The following ERG28 variants were observed in gnomAD, a reference collection of about 807,000 sequenced individuals.
The protein encoded by ERG28 is ergosterol biosynthetic protein 28 homolog.
A neutral mutation model predicts 15.7 loss-of-function variants in ERG28; 9 were observed. The ratio of observed to expected loss-of-function variants is 0.57; its 90% CI spans 0.35 to 1.00. The LOEUF is 1.00. Among genes scored for constraint, ERG28 ranks in the 50% least tolerant of loss-of-function variants. The probability of loss-of-function intolerance (pLI) is 0.02; values close to 1 mark genes in which losing one functional copy is unlikely to be tolerated. For synonymous variants in ERG28, 61 were observed against 68.4 expected, an observed-to-expected ratio of 0.89 and a Z score of 0.53; for missense variants, 117 against 173.3, an observed-to-expected ratio of 0.68 and a Z score of 1.82.
At chr14:75,654,298 G>T (rs1007384133) in intron 3 of ERG28, among the ~76,000 whole-genome samples, 1 of 152,164 alleles carries the variant, frequency 6.6e-6, no homozygotes, top group Non-Finnish European at 1.5e-5. Context: ...GATGACTCCC[G>T]CTGGGAAGAA....
intron 3 of ERG28, among the ~76,000 whole-genome samples, 188 bp from the exon 4 acceptor site, chr14:75,652,077 G>A (rs1890533450): frequency 6.6e-6 from 1 of 152,212 alleles, no homozygotes; most frequent in Non-Finnish European, 1.5e-5. Flanking sequence ...CAAAACTGAA[G>A]GTTTCAACTG....
At chr14:75,654,762 T>C in intron 3 of ERG28, 124 bp downstream of exon 3, 1 of 1,070,996 alleles carries the variant, frequency 9.3e-7, no homozygotes, top group Non-Finnish European at 1.4e-6. Context: ...GTGAGTTTTT[T>C]ATTATTCACA....
chr14:75,656,020 T>C (rs1890590924), intron 2 of ERG28, among the ~76,000 whole-genome samples: 1 of 152,134 alleles, frequency 6.6e-6, no homozygotes, highest in Non-Finnish European at 1.5e-5. Flanking sequence ...TGAAGACCAT[T>C]AGATGGTAGT....
At position 75,651,124 on chromosome 14, in the gene ERG28, CCTTGA is replaced by C; in HGVS notation, c.*426_*430del. The stretch of plus-strand genomic sequence containing the variant: ...AGGAGCCCAACCTGCGTGGACAACC[CCTTGA>C]GGCAGCCCTTGGTCACAGCTGCTCT... On this transcript the variant is annotated 3_prime_UTR_variant, in exon 5 of 5. Transcript: ENST00000256319. The C allele has an allele frequency of 4.3e-5, 7 of 161,858 alleles. No homozygotes were observed. The highest frequency in any genetic ancestry group is 1.6e-4 in the South Asian group (1 of 6,276). 10.0% of individuals were successfully genotyped at this position (161,858 alleles called of 1,614,324 possible).
Position 75,651,809 on chromosome 14 carries a change from G to A in ERG28, c.305C>T (p.Ala102Val), listed in dbSNP as rs761177583. The change falls in exon 4 of 5, where the codon GCT becomes GTT. Residue 102 changes from alanine (A) to valine (V), a missense_variant. Ala to Val is a moderately conservative substitution (Grantham distance 64). Coordinates refer to ENST00000256319, the MANE Select transcript of ERG28 (RefSeq NM_007176.4). The stretch of plus-strand genomic sequence containing the variant: ...GGGTGCCAGGACGCCAATCGTGGGA[G>A]CTGCAGTTCCATAGACAAACAACTC... Reference protein sequence around the residue: ...LSELFVYGTAAPTIGVLAPLM... With the variant: ...LSELFVYGTAVPTIGVLAPLM... The A allele has an allele frequency of 9.9e-6, 16 of 1,614,020 alleles. No homozygotes were observed. The African/African-American group carries it at 1.7e-4, about 18-fold the overall frequency.
Position 75,651,466 on chromosome 14 carries a change from A to C in ERG28, c.*89T>G, listed in dbSNP as rs961423378. ...AGTGAATAAAAGGGCAGATGATGGA[A>C]TAGAAAAGAAATTAAAGAGGAGAGA... On this transcript the variant is annotated 3_prime_UTR_variant, in exon 5 of 5. Coordinates refer to ENST00000256319, the MANE Select transcript of ERG28 (RefSeq NM_007176.4). The C allele has an allele frequency of 1.0e-5, 13 of 1,300,712 alleles. No homozygotes were observed. In the African/African-American group the frequency reaches 1.3e-4, roughly 13 times the overall value. 80.6% of individuals were successfully genotyped at this position (1,300,712 alleles called of 1,614,324 possible).
chr14:75,655,296 C>G (rs1270903737), intron 2 of ERG28, among the ~76,000 whole-genome samples: 1 of 152,178 alleles, frequency 6.6e-6, no homozygotes, highest in Non-Finnish European at 1.5e-5. Context: ...CCTAGAGGGT[C>G]TGGATCAGGA....
chr14:75,655,020 G>A, intron 2 of ERG28, 44 bp from the exon 3 acceptor site: 1 of 1,563,342 alleles, frequency 6.4e-7, no homozygotes. Context: ...GGGGAGACTT[G>A]AGGTTCCTTC....
In ERG28 at chr14:75,657,491, G is replaced by C; in HGVS notation, c.12C>G (p.Phe4Leu). The change falls in exon 2 of 5, where the codon TTC becomes TTG. Residue 4 changes from phenylalanine (F) to leucine (L), a missense_variant. Phe to Leu is a conservative substitution (Grantham distance 22). Transcript: ENST00000256319. ...CCAGCCAACTTCTTAACACATTCAGGAAACGGCTCATGACTCCCCTCAAAC... is the reference window on the plus strand; with the variant it reads ...CCAGCCAACTTCTTAACACATTCAGCAAACGGCTCATGACTCCCCTCAAAC... MSR[F>L]LNVLRSWLVM... 6.2e-7 allele frequency: 1 copy of C among 1,614,010 alleles called. No homozygotes were observed. The highest frequency in any genetic ancestry group is 2.2e-5 in the East Asian group (1 of 44,892).
At chr14:75,652,231 A>G (rs1890535268) in intron 3 of ERG28, among the ~76,000 whole-genome samples, 1 of 152,228 alleles carries the variant, frequency 6.6e-6, no homozygotes, top group South Asian at 2.1e-4. Flanking sequence ...ACGCTTACAT[A>G]TTCTATTTAT....
At chr14:75,656,448 T>G (rs2140064936) in intron 2 of ERG28, among the ~76,000 whole-genome samples, 1 of 152,320 alleles carries the variant, frequency 6.6e-6, no homozygotes, top group African/African-American at 2.4e-5. Flanking sequence ...TAGGGTTCCA[T>G]GACCACCTGA....
chr14:75,652,817 C>CTTTTTTT (rs59570063), intron 3 of ERG28, among the ~76,000 whole-genome samples: 14 of 96,228 alleles, frequency 1.5e-4, no homozygotes, highest in African/African-American at 2.0e-4. Context: ...ATTTTTACAC[C>CTTTTTTT]TTTTTTTTTT....
Position 75,657,551 on chromosome 14 carries a change from A to C in ERG28, c.-31-18T>G, listed in dbSNP as rs760745359. ...CTTTTTGCCTTGGAAACAAAGGCAGAGGACATGAGACAATGAGGGCCAGTC... is the reference window on the plus strand; with the variant it reads ...CTTTTTGCCTTGGAAACAAAGGCAGCGGACATGAGACAATGAGGGCCAGTC... On this transcript the variant is annotated intron_variant, in intron 1 of 4. Coordinates refer to ENST00000256319, the MANE Select transcript of ERG28 (RefSeq NM_007176.4). The C allele has an allele frequency of 1.3e-5, 21 of 1,608,776 alleles. No individual in the cohort carries two copies. The highest frequency in any genetic ancestry group is 1.8e-5 in the Non-Finnish European group (21 of 1,176,582).
At chr14:75,658,459 C>T (rs1890626895) in intron 1 of ERG28, among the ~76,000 whole-genome samples, 1 of 152,168 alleles carries the variant, frequency 6.6e-6, no homozygotes, top group South Asian at 2.1e-4. Flanking sequence ...ACCCCTGTTC[C>T]ACCAGTTGTA....
chr14:75,654,591 TAGA>T (rs912096775), intron 3 of ERG28, among the ~76,000 whole-genome samples: 125 of 152,192 alleles, frequency 8.2e-4, no homozygotes, highest in African/African-American at 3.0e-3. Context: ...ACTTCTTTAG[TAGA>T]AGAAGGGCTG....
chr14:75,652,815 AC>A (rs1890544456), intron 3 of ERG28, among the ~76,000 whole-genome samples: 2 of 116,412 alleles, frequency 1.7e-5, no homozygotes, highest in African/African-American at 3.6e-5. Flanking sequence ...ATATTTTTAC[AC>A]CTTTTTTTTT....
intron 3 of ERG28, among the ~76,000 whole-genome samples, 165 bp from the exon 4 acceptor site, chr14:75,652,054 T>C (rs555156961): frequency 6.6e-6 from 1 of 152,242 alleles, no homozygotes; most frequent in African/African-American, 2.4e-5. Context: ...CACAACGATA[T>C]TCTCATCTAG....
rs773592633 is a variant in ERG28 at position 75,651,803 on chromosome 14, G to A, written c.311C>T (p.Thr104Met). The A allele has an allele frequency of 4.3e-6, 7 of 1,613,932 alleles. No individual in the cohort carries two copies. Among genetic ancestry groups the A allele is most frequent in the Admixed American group, 1.7e-5 (1 of 60,006 alleles). ...ELFVYGTAAP[T>M]IGVLAPLMVA... ...CATCAGGGGTGCCAGGACGCCAATC[G>A]TGGGAGCTGCAGTTCCATAGACAAA... Residue 104 changes from threonine (T) to methionine (M), a missense_variant, in exon 4 of 5, where the codon ACG becomes ATG. Transcript: ENST00000256319.
intron 1 of ERG28, among the ~76,000 whole-genome samples, chr14:75,658,617 G>A (rs1005456875): frequency 2.0e-5 from 3 of 152,176 alleles, no homozygotes; most frequent in Admixed American, 6.5e-5. Flanking sequence ...ATAGAGCCTA[G>A]GTGTGATAGA....
Sources: allele counts gnomAD v4.1 joint callset (sites outside exome capture counted in the v4.1 genomes callset), GRCh38; gene constraint gnomAD v4.1.1; transcripts MANE v1.5; gene names NCBI Gene and HGNC (gene_info 2026-07-23, HGNC 2026-07-21).